Variants in LHFPL2 observed in about 807,000 individuals in gnomAD.
LHFPL2 encodes LHFPL tetraspan subfamily member 2.
LHFPL2 carries 7 observed loss-of-function variants against 17.5 expected under a neutral mutation model. That is an observed-to-expected ratio of 0.40 (90% CI 0.23 to 0.75). The LOEUF (loss-of-function observed/expected upper bound fraction) is 0.75. LHFPL2 is among the 30% of genes least tolerant of loss of function. LHFPL2 has a pLI of 0.37. For synonymous variants in LHFPL2, 134 were observed against 116.2 expected (o/e 1.15, Z -0.99); for missense variants, 241 against 294.8 (o/e 0.82, Z 1.34).
In LHFPL2 at chr5:78,557,461, G is replaced by A. The variant is rs190908174; in HGVS notation, c.-186+7352C>T. On this transcript the variant is annotated intron_variant, in intron 3 of 4. Transcript: ENST00000380345. ...CTCCATGAATGCTAGGAGAAAAATG[G>A]ATCGGACTTCAACTGAATCACAGAT... Among the ~76,000 whole-genome samples the A allele has an allele frequency of 2.5e-3, 386 of 152,296 alleles. 2 individuals are homozygous for A. Among genetic ancestry groups the A allele is most frequent in the African/African-American group, 7.8e-3 (326 of 41,554 alleles).
intron 2 of LHFPL2, among the ~76,000 whole-genome samples, chr5:78,620,799 G>A (rs759609078): frequency 2.2e-4 from 34 of 152,168 alleles, no homozygotes; most frequent in Non-Finnish European, 4.4e-4. Flanking sequence ...TAATGGAGCC[G>A]ACTGCCAAGC....
chr5:78,581,194 T>C lies in LHFPL2; in HGVS notation c.-244-16323A>G, dbSNP rs114946719. 6.2e-3 allele frequency among the ~76,000 whole-genome samples: 948 copies of C among 152,066 alleles called. 10 individuals are homozygous for C. Among genetic ancestry groups the C allele is most frequent in the African/African-American group, 0.022 (911 of 41,526 alleles). ...AATGCTTGTGATTTTTGTACATTGA[T>C]TGACGATGGGGTTTTCTAGATATAC... On this transcript the variant is annotated intron_variant, in intron 2 of 4. Transcript: ENST00000380345.
chr5:78,518,284 A>G (rs1297065691), intron 3 of LHFPL2, among the ~76,000 whole-genome samples: 1 of 152,244 alleles, frequency 6.6e-6, no homozygotes, highest in Non-Finnish European at 1.5e-5. Flanking sequence ...AAGAAAAGTA[A>G]CAGGCTGGGT....
chr5:78,510,499 TGCCAGCAAGCCCCGGGCCTG>T (rs1755083483), intron 3 of LHFPL2, 101 bp from the exon 4 acceptor site: 1 of 411,040 alleles, frequency 2.4e-6, no homozygotes. Flanking sequence ...CGCAGAACCC[TGCCAGCAAGCCCCGGGCCTG>T]GCTAGCATGC....
At chr5:78,562,747 T>C (rs559462481) in intron 3 of LHFPL2, among the ~76,000 whole-genome samples, 5 of 150,756 alleles carry the variant, frequency 3.3e-5, no homozygotes, top group Admixed American at 2.0e-4. Flanking sequence ...GTTACTGTAT[T>C]TCTATGGGAT....
At chr5:78,622,926 A>G (rs553113506) in intron 2 of LHFPL2, among the ~76,000 whole-genome samples, 1 of 152,300 alleles carries the variant, frequency 6.6e-6, no homozygotes, top group East Asian at 1.9e-4. Flanking sequence ...GGCCTTGTAA[A>G]GAAGGGGGAT....
chr5:78,630,582 T>A (rs1356192735), intron 2 of LHFPL2, among the ~76,000 whole-genome samples: 2 of 151,862 alleles, frequency 1.3e-5, no homozygotes, highest in African/African-American at 4.8e-5. Flanking sequence ...TACTGCCTTG[T>A]CTTTCATTCA....
Position 78,488,238 on chromosome 5 carries a change from T to C in LHFPL2, c.*659A>G, listed in dbSNP as rs867339736. On this transcript the variant is annotated 3_prime_UTR_variant, in exon 5 of 5. Coordinates refer to ENST00000380345, the MANE Select transcript of LHFPL2 (RefSeq NM_005779.3). ...TCTCATATGATTGTATAGGTCCTTA[T>C]TGTTTCTTTACTCAAATTTCTAAAA... 2 of 153,324 alleles carry C rather than the reference T, an allele frequency of 1.3e-5. No homozygotes were observed. Among genetic ancestry groups the C allele is most frequent in the Non-Finnish European group, 2.9e-5 (2 of 68,840 alleles). The allele number at this position is 153,324 out of a possible 1,614,324, so 9.5% of individuals were successfully genotyped here.
At chr5:78,541,148 G>A (rs1044089393) in intron 3 of LHFPL2, among the ~76,000 whole-genome samples, 18 of 152,086 alleles carry the variant, frequency 1.2e-4, no homozygotes, top group African/African-American at 3.1e-4. Context: ...GCAGCCCCAC[G>A]TCCCCAGCCA....
At chr5:78,490,097 C>T (rs540198125) in intron 4 of LHFPL2, among the ~76,000 whole-genome samples, 3 of 152,204 alleles carry the variant, frequency 2.0e-5, no homozygotes, top group Non-Finnish European at 4.4e-5. Context: ...TTTCTGTCTG[C>T]GTACTTTTAA....
intron 3 of LHFPL2, among the ~76,000 whole-genome samples, chr5:78,557,996 T>TTAATC (rs1756626834): frequency 6.6e-6 from 1 of 152,190 alleles, no homozygotes; most frequent in Non-Finnish European, 1.5e-5. Flanking sequence ...TCCAAGAGAA[T>TTAATC]AGAGATTAAA....
At chr5:78,565,766 C>T (rs968040568) in intron 2 of LHFPL2, among the ~76,000 whole-genome samples, 15 of 152,290 alleles carry the variant, frequency 9.8e-5, no homozygotes, top group South Asian at 2.1e-4. Flanking sequence ...TTTCCAAACA[C>T]GCCTTTTTCC....
chr5:78,560,133 C>T (rs1415474853), intron 3 of LHFPL2, among the ~76,000 whole-genome samples: 10 of 152,226 alleles, frequency 6.6e-5, no homozygotes, highest in Admixed American at 2.6e-4. Flanking sequence ...AATAGCTATC[C>T]TCACCACCAT....
At chr5:78,585,341 C>T (rs1215643446) in intron 2 of LHFPL2, among the ~76,000 whole-genome samples, 2 of 149,330 alleles carry the variant, frequency 1.3e-5, no homozygotes, top group African/African-American at 2.5e-5. Flanking sequence ...TGGAAAAGCG[C>T]AGTATTCAGG....
At chr5:78,514,609 A>C (rs1435332689) in intron 3 of LHFPL2, among the ~76,000 whole-genome samples, 1 of 152,226 alleles carries the variant, frequency 6.6e-6, no homozygotes, top group East Asian at 1.9e-4. Context: ...ATGTGAAGCC[A>C]GAACCACCCA....
Position 78,486,599 on chromosome 5 carries a change from A to T in LHFPL2, c.*2298T>A, listed in dbSNP as rs1754250782. The stretch of plus-strand genomic sequence containing the variant: ...TTTACTATTTACTAAGTCAGTGTTT[A>T]GGTAGTTTTTAGTGGTTTGGGGTTC... On this transcript the variant is annotated 3_prime_UTR_variant, in exon 5 of 5. Transcript: ENST00000380345. The T allele has an allele frequency of 6.6e-6, 1 of 152,276 alleles. No homozygotes were observed. 9.4% of individuals were successfully genotyped at this position (152,276 alleles called of 1,614,324 possible). A position where few individuals can be genotyped will look rare whatever the true frequency, so the allele number is the denominator to read the frequency against.
chr5:78,553,031 A>C (rs1756488108), intron 3 of LHFPL2, among the ~76,000 whole-genome samples: 1 of 152,218 alleles, frequency 6.6e-6, no homozygotes, highest in South Asian at 2.1e-4. Flanking sequence ...GATGTGAGTC[A>C]ACAGAAATGG....
chr5:78,638,503 A>G (rs1212364585), intron 1 of LHFPL2, among the ~76,000 whole-genome samples: 1 of 152,230 alleles, frequency 6.6e-6, no homozygotes, highest in Non-Finnish European at 1.5e-5. Flanking sequence ...ATCAGCAGAG[A>G]CAATCCAAAG....
At chr5:78,527,024 C>T (rs1755640280) in intron 3 of LHFPL2, among the ~76,000 whole-genome samples, 1 of 152,136 alleles carries the variant, frequency 6.6e-6, no homozygotes, top group Admixed American at 6.5e-5. Context: ...CTTAAAATAC[C>T]CTAAACTATT....
Sources: allele counts gnomAD v4.1 joint callset (sites outside exome capture counted in the v4.1 genomes callset), GRCh38; gene constraint gnomAD v4.1.1; transcripts MANE v1.5; gene names NCBI Gene and HGNC (gene_info 2026-07-23, HGNC 2026-07-21).